TRDMT1: variants seen among roughly 807,000 people sequenced by gnomAD.
TRDMT1 encodes the protein tRNA (cytosine(38)-C(5))-methyltransferase.
TRDMT1 carries 49 observed loss-of-function variants against 51.2 expected under a neutral mutation model. That is an observed-to-expected ratio of 0.96 (90% confidence interval 0.76 to 1.21). The LOEUF is 1.21. Among genes scored for constraint, TRDMT1 ranks in the 50% most tolerant of loss-of-function variants. The probability of loss-of-function intolerance (pLI) is 0.00; values close to 1 mark genes in which losing one functional copy is unlikely to be tolerated. For synonymous variants in TRDMT1, 187 were observed against 164.6 expected (o/e 1.14, Z -1.04); for missense variants, 534 against 462.3 (o/e 1.16, Z -1.42).
chr10:17,162,779 G>C (rs376454416), intron 3 of TRDMT1, among the ~76,000 whole-genome samples: 2 of 151,938 alleles, frequency 1.3e-5, no homozygotes, highest in East Asian at 3.8e-4. Flanking sequence ...GAAGGCAGAG[G>C]TTTAAAAGAA....
rs1411390243 is a variant in TRDMT1, at chr10:17,138,486, C to T, written c.*10554G>A. Among the ~76,000 whole-genome samples the T allele has an allele frequency of 1.3e-5, 2 of 152,116 alleles. No homozygotes were observed. Among genetic ancestry groups the T allele is most frequent in the South Asian group, 2.1e-4 (1 of 4,830 alleles). ...AGGTACATTTAAAACTATTCTTTTG[C>T]TCATTTCATGGGAAGTGCATTACCA... is the stretch of plus-strand genomic sequence containing the variant. On this transcript the variant is annotated 3_prime_UTR_variant, in exon 11 of 11. Coordinates refer to ENST00000377799, the MANE Select transcript of TRDMT1 (RefSeq NM_004412.7).
intron 2 of TRDMT1, chr10:17,169,388 T>C: frequency 7.8e-7 from 1 of 1,275,710 alleles, no homozygotes; most frequent in Non-Finnish European, 1.0e-6. Context: ...TGTTAATATA[T>C]TATCAAATGG....
At chr10:17,170,025 A>G (rs1323913632) in intron 2 of TRDMT1, among the ~76,000 whole-genome samples, 1 of 152,172 alleles carries the variant, frequency 6.6e-6, no homozygotes, top group Non-Finnish European at 1.5e-5. Flanking sequence ...TATGATAAGC[A>G]ACTGGACGTG....
chr10:17,152,248 A>G (rs1165482563), intron 10 of TRDMT1: 2 of 435,154 alleles, frequency 4.6e-6, no homozygotes, highest in East Asian at 1.5e-4. Context: ...TTTCTTAAAC[A>G]ACACTCCCCA....
chr10:17,151,451 A>G (rs957540094), intron 10 of TRDMT1: 9 of 968,582 alleles, frequency 9.3e-6, no homozygotes, highest in Non-Finnish European at 1.1e-5. Flanking sequence ...CAGATCCATC[A>G]TTGCCAGTAG....
chr10:17,200,964 C>G (rs1198474877), intron 1 of TRDMT1, among the ~76,000 whole-genome samples: 1 of 152,212 alleles, frequency 6.6e-6, no homozygotes, highest in Non-Finnish European at 1.5e-5. Flanking sequence ...AGCCCAACGT[C>G]ACACTGCCAC....
Position 17,138,014 on chromosome 10 carries a change from T to A in TRDMT1, c.*11026A>T, listed in dbSNP as rs1837471399. 6.6e-6 allele frequency among the ~76,000 whole-genome samples: 1 copy of A among 152,126 alleles called. No homozygotes were observed. The highest frequency in any genetic ancestry group is 1.5e-5 in the Non-Finnish European group (1 of 68,038). Reference sequence around the variant, plus strand: ...GAGTGCAATAATCCTTATGTGATATTTCTGCTAGGCCAGCTGAATTTATCT... The same window carrying A: ...GAGTGCAATAATCCTTATGTGATATATCTGCTAGGCCAGCTGAATTTATCT... On this transcript the variant is annotated 3_prime_UTR_variant, in exon 11 of 11. Transcript: ENST00000377799.
rs1588521216 is a variant in TRDMT1, at chr10:17,157,914, T to A, written c.544-130A>T. ...GGGGTTGCCATTAAAAGATAGAAAT[T>A]GTGGTTTACTTGTATTTGTACAAGT... On this transcript the variant is annotated intron_variant, in intron 7 of 10. Transcript: ENST00000377799. 7 of 682,264 alleles carry A rather than the reference T, an allele frequency of 1.0e-5. No individual in the cohort carries two copies. The East Asian group carries it at 1.9e-4, about 19-fold the overall frequency. The allele number at this position is 682,264 out of a possible 1,614,324, so 42.3% of individuals were successfully genotyped here. A position where few individuals can be genotyped will look rare whatever the true frequency, so the allele number is the denominator to read the frequency against.
At chr10:17,200,740 A>G (rs1846044047) in intron 1 of TRDMT1, among the ~76,000 whole-genome samples, 1 of 152,206 alleles carries the variant, frequency 6.6e-6, no homozygotes, top group East Asian at 1.9e-4. Context: ...AGCATGAAAG[A>G]AATCAAAAAC....
At position 17,157,666 on chromosome 10, in the gene TRDMT1, T is replaced by A. The variant is rs1839729530; in HGVS notation, c.662A>T (p.Gln221Leu). 1 of 1,613,516 alleles carries A rather than the reference T, an allele frequency of 6.2e-7. No individual in the cohort carries two copies. The highest frequency in any genetic ancestry group is 2.2e-5 in the East Asian group (1 of 44,840). The change falls in exon 8 of 11, where the codon CAG (glutamine) becomes CTG (leucine). Residue 221 changes from glutamine (Q) to leucine (L), a missense_variant. Physicochemically the swap from Gln to Leu is moderately radical, Grantham distance 113. Coordinates refer to ENST00000377799, the MANE Select transcript of TRDMT1 (RefSeq NM_004412.7). The stretch of plus-strand genomic sequence containing the variant: ...AAGAATGGCATCTTTTCCAGAACAC[T>A]GTATGCTGCCATCAAAGCTAATATT... ...EPNISFDGSI[Q>L]CSGKDAILFK...
intron 10 of TRDMT1, 76 bp downstream of exon 10, chr10:17,153,428 AGTC>A (rs1564557917): frequency 6.6e-7 from 1 of 1,517,544 alleles, no homozygotes; most frequent in South Asian, 1.2e-5. Flanking sequence ...TGTTTAGGCA[AGTC>A]CTAGACACAC....
At chr10:17,165,866 A>C (rs1187964908) in intron 3 of TRDMT1, among the ~76,000 whole-genome samples, 1 of 152,172 alleles carries the variant, frequency 6.6e-6, no homozygotes, top group Non-Finnish European at 1.5e-5. Context: ...AAAACTCAGG[A>C]AACAACAGGT....
intron 3 of TRDMT1, 46 bp from the exon 4 acceptor site, chr10:17,162,283 T>A (rs754998755): frequency 1.3e-6 from 2 of 1,512,138 alleles, no homozygotes; most frequent in South Asian, 2.5e-5. Flanking sequence ...CACAGAAAGT[T>A]TATTAAGAAT....
intron 7 of TRDMT1, among the ~76,000 whole-genome samples, chr10:17,158,739 C>T (rs1839899959): frequency 6.6e-6 from 1 of 152,008 alleles, no homozygotes; most frequent in African/African-American, 2.4e-5. Flanking sequence ...AAATGCAACC[C>T]ATGTATTAAA....
intron 8 of TRDMT1, 70 bp downstream of exon 8, chr10:17,157,370 AC>A: frequency 7.3e-7 from 1 of 1,365,656 alleles, no homozygotes; most frequent in Non-Finnish European, 9.9e-7. Context: ...TTTTAGAAGA[AC>A]TTAAAGAAAC....
intron 1 of TRDMT1, among the ~76,000 whole-genome samples, chr10:17,184,090 A>T (rs1311321986): frequency 6.6e-6 from 1 of 152,232 alleles, no homozygotes; most frequent in African/African-American, 2.4e-5. Context: ...AAAGTAACCT[A>T]TTCACATGCT....
intron 1 of TRDMT1, among the ~76,000 whole-genome samples, chr10:17,186,752 T>C (rs1843987540): frequency 6.6e-6 from 1 of 152,200 alleles, no homozygotes; most frequent in African/African-American, 2.4e-5. Flanking sequence ...ATTTTATTTA[T>C]AATAGTGCAA....
intron 10 of TRDMT1, chr10:17,150,596 A>C (rs1838564864): frequency 2.0e-6 from 2 of 985,272 alleles, no homozygotes; most frequent in South Asian, 9.4e-5. Context: ...ATACTCTAGC[A>C]TAGCAAGGAA....
intron 1 of TRDMT1, among the ~76,000 whole-genome samples, chr10:17,176,748 C>G (rs1345339498): frequency 6.6e-6 from 1 of 152,118 alleles, no homozygotes; most frequent in African/African-American, 2.4e-5. Flanking sequence ...TTTTAAAAAG[C>G]AAACCTGTCA....
Sources: allele counts gnomAD v4.1 joint callset (sites outside exome capture counted in the v4.1 genomes callset), GRCh38; gene constraint gnomAD v4.1.1; transcripts MANE v1.5; gene names NCBI Gene and HGNC (gene_info 2026-07-23, HGNC 2026-07-21).